The following ZC3H12B variants were observed in gnomAD, a reference collection of about 807,000 sequenced individuals.
ZC3H12B encodes the protein zinc finger CCCH-type containing 12B, also known as probable ribonuclease ZC3H12B.
ZC3H12B carries 7 observed loss-of-function variants against 43.9 expected under a neutral mutation model. The ratio of observed to expected loss-of-function variants is 0.16; its 90% CI spans 0.09 to 0.30. ZC3H12B has a LOEUF of 0.30. ZC3H12B is among the 10% of genes least tolerant of loss of function. ZC3H12B has a pLI of 1.00. For missense variants in ZC3H12B, 475 were observed against 670.2 expected (o/e 0.71, Z 3.22); for synonymous variants, 222 against 241.7 (o/e 0.92, Z 0.76).
the ZC3H12B span, among the ~76,000 whole-genome samples, chrX:65,274,643 G>A: frequency 1.8e-5 from 2 of 109,197 alleles, no homozygotes; most frequent in African/African-American, 3.3e-5. Context: ...GAACCTCCAA[G>A]AAGCTGATAT....
At chrX:65,313,938 T>C in the ZC3H12B span, among the ~76,000 whole-genome samples, 2 of 111,743 alleles carry the variant, frequency 1.8e-5, no homozygotes, top group African/African-American at 6.5e-5. Flanking sequence ...TTGAAATGAA[T>C]TGAAACAGCA....
At chrX:65,293,293 G>A in the ZC3H12B span, among the ~76,000 whole-genome samples, 56 of 110,027 alleles carry the variant, frequency 5.1e-4, no homozygotes, top group Non-Finnish European at 9.7e-4. Context: ...CAATACTAGG[G>A]GAAGGGAAAG....
the ZC3H12B span, among the ~76,000 whole-genome samples, chrX:65,329,951 G>T: frequency 8.9e-6 from 1 of 111,995 alleles, no homozygotes; most frequent in Non-Finnish European, 1.9e-5. Flanking sequence ...GGTTACTGTA[G>T]ACTTGTAGTA....
intron 2 of ZC3H12B, among the ~76,000 whole-genome samples, chrX:65,374,200 A>G (rs1220666371): frequency 1.1e-4 from 9 of 83,581 alleles, no homozygotes; most frequent in African/African-American, 4.2e-4. Context: ...AGTAATATAT[A>G]TTATATATAG....
At chrX:65,477,120 C>G (rs182996488) in intron 3 of ZC3H12B, among the ~76,000 whole-genome samples, 139 of 109,092 alleles carry the variant, frequency 1.3e-3, no homozygotes, top group African/African-American at 4.7e-3. Flanking sequence ...AGACGTGAGC[C>G]ACCATGAACT....
the ZC3H12B span, among the ~76,000 whole-genome samples, chrX:65,209,831 T>G: frequency 4.0e-5 from 4 of 99,594 alleles, no homozygotes; most frequent in Non-Finnish European, 7.9e-5. Context: ...GATTCCCTAT[T>G]TAATAAATGG....
chrX:65,189,301 G>A, the ZC3H12B span, among the ~76,000 whole-genome samples: 2 of 92,234 alleles, frequency 2.2e-5, no homozygotes, highest in Admixed American at 1.2e-4. Flanking sequence ...TAGTCGTTTG[G>A]GTATATACCC....
chrX:65,141,190 A>G, the ZC3H12B span, among the ~76,000 whole-genome samples: 6 of 110,651 alleles, frequency 5.4e-5, no homozygotes, highest in East Asian at 2.8e-4. Context: ...ATTAATTACT[A>G]AAAGCTTTTC....
At chrX:65,408,628 CA>C (rs2066866343) in intron 3 of ZC3H12B, 22 of 1,080,472 alleles carry the variant, frequency 2.0e-5, no homozygotes, top group Non-Finnish European at 2.8e-5. Context: ...TAAAAGATGA[CA>C]AGAAGCATCA....
At chrX:65,448,639 A>G (rs2067414688) in intron 3 of ZC3H12B, among the ~76,000 whole-genome samples, 1 of 110,524 alleles carries the variant, frequency 9.0e-6, no homozygotes, top group African/African-American at 3.3e-5. Flanking sequence ...CAACATGGTG[A>G]AACCCCATCT....
chrX:65,256,612 C>T, the ZC3H12B span, among the ~76,000 whole-genome samples: 1 of 111,410 alleles, frequency 9.0e-6, no homozygotes, highest in African/African-American at 3.3e-5. Context: ...AACAACATAA[C>T]ATTTCACCTA....
At chrX:65,207,242 G>GTT in the ZC3H12B span, among the ~76,000 whole-genome samples, 4 of 104,450 alleles carry the variant, frequency 3.8e-5, no homozygotes, top group Admixed American at 2.1e-4. Context: ...GTGTGTGTGT[G>GTT]TGTATATATA....
chrX:65,051,510 G>A, the ZC3H12B span, among the ~76,000 whole-genome samples: 1 of 110,419 alleles, frequency 9.1e-6, no homozygotes, highest in Non-Finnish European at 1.9e-5. Context: ...GATTCATCAT[G>A]AACCAGAAAA....
chrX:65,255,628 CAAAAAGTCTGCATAATA>C, the ZC3H12B span, among the ~76,000 whole-genome samples: 4 of 111,922 alleles, frequency 3.6e-5, no homozygotes, highest in Admixed American at 2.8e-4. Context: ...AGCAACCATA[CAAAAAGTCTGCATAATA>C]ACCAACTAGC....
chrX:65,075,650 G>A, the ZC3H12B span, among the ~76,000 whole-genome samples: 381 of 111,713 alleles, frequency 3.4e-3, 3 homozygotes, highest in African/African-American at 0.012. Context: ...GTTCTATGCC[G>A]AGCTGGGAGG....
At chrX:65,315,560 G>T in the ZC3H12B span, among the ~76,000 whole-genome samples, 1 of 111,292 alleles carries the variant, frequency 9.0e-6, no homozygotes, top group Non-Finnish European at 1.9e-5. Context: ...CTGAGCCTAG[G>T]CCCCGTAAAA....
chrX:65,472,866 G>GTA (rs1201626242), intron 3 of ZC3H12B, among the ~76,000 whole-genome samples: 2 of 74,907 alleles, frequency 2.7e-5, no homozygotes, highest in Admixed American at 3.1e-4. Context: ...ATATGTTTGT[G>GTA]TATATATATG....
At chrX:65,162,007 A>G in the ZC3H12B span, among the ~76,000 whole-genome samples, 2 of 110,891 alleles carry the variant, frequency 1.8e-5, no homozygotes, top group African/African-American at 3.3e-5. Context: ...AAAGTGTTTT[A>G]TTTCTCCTTC....
the ZC3H12B span, among the ~76,000 whole-genome samples, chrX:65,312,427 C>T: frequency 2.7e-5 from 3 of 109,352 alleles, no homozygotes; most frequent in East Asian, 8.6e-4. Context: ...TTCTCCAATG[C>T]CTGCCACAGT....
Sources: gnomAD v4.1 joint callset for allele counts (sites outside exome capture counted in the v4.1 genomes callset) on GRCh38, gnomAD v4.1.1 for gene constraint, MANE v1.5 for transcripts, NCBI Gene and HGNC (gene_info 2026-07-23, HGNC 2026-07-21) for gene names.